SEMA5A: variants seen among roughly 807,000 people sequenced by gnomAD.
SEMA5A encodes the protein semaphorin-5A.
Under a neutral mutation model 135.5 loss-of-function variants are expected in SEMA5A, and 55 were observed. The ratio of observed to expected loss-of-function variants is 0.41; its 90% CI spans 0.33 to 0.51. The LOEUF is 0.51. Among genes scored for constraint, SEMA5A ranks in the 20% least tolerant of loss-of-function variants. The pLI, the probability that SEMA5A is intolerant of heterozygous loss-of-function variation, is 0.37. For missense variants in SEMA5A, 1,290 were observed against 1,419.9 expected, an observed-to-expected ratio of 0.91 and a Z score of 1.47; for synonymous variants, 580 against 546.5, an observed-to-expected ratio of 1.06 and a Z score of -0.85.
rs202094419 is a variant in SEMA5A at position 9,054,151 on chromosome 5, A to G, written c.2625T>C (p.Tyr875=). The G allele has an allele frequency of 2.2e-5, 35 of 1,614,024 alleles. No homozygotes were observed. Among genetic ancestry groups the G allele is most frequent in the Non-Finnish European group, 2.8e-5 (33 of 1,179,986 alleles). ...GCAGCCCCAGGCAGATGTCCCCTCC[A>G]TAGGCCGGGGCTGGATTGGAGCAAG... The part of the protein sequence containing the change: ...TRSCSNPAPA[Y]GGDICLGLHT... Residue 875 remains tyrosine (Y), a synonymous_variant, in exon 19 of 23, where the codon TAT becomes TAC. Transcript: ENST00000382496.
chr5:9,317,210 C>T lies in SEMA5A; in HGVS notation c.270+1162G>A, dbSNP rs185559077. Reference sequence around the variant, plus strand: ...TTGCAGTGGAAAGACAATTTATTGTCAATTGTGATAAAACTATTATAATGG... The same window carrying T: ...TTGCAGTGGAAAGACAATTTATTGTTAATTGTGATAAAACTATTATAATGG... On this transcript the variant is annotated intron_variant, in intron 5 of 22. Transcript: ENST00000382496. Among the ~76,000 whole-genome samples, 539 of 152,234 alleles carry T rather than the reference C, an allele frequency of 3.5e-3. 3 individuals carry two copies. Among genetic ancestry groups the T allele is most frequent in the South Asian group, 0.018 (88 of 4,822 alleles).
intron 5 of SEMA5A, among the ~76,000 whole-genome samples, chr5:9,255,346 C>A (rs1030069674): frequency 6.6e-6 from 1 of 152,152 alleles, no homozygotes; most frequent in Non-Finnish European, 1.5e-5. Context: ...AGGGTCCACA[C>A]CAAGGTGCTG....
intron 21 of SEMA5A, among the ~76,000 whole-genome samples, chr5:9,045,413 T>C (rs1736195716): frequency 1.3e-5 from 2 of 152,226 alleles, no homozygotes; most frequent in Non-Finnish European, 2.9e-5. Flanking sequence ...TGTTTTCTAT[T>C]CACATAAACA....
At chr5:9,078,163 A>C (rs1505061) in intron 16 of SEMA5A, among the ~76,000 whole-genome samples, 3 of 152,216 alleles carry the variant, frequency 2.0e-5, no homozygotes, top group Non-Finnish European at 4.4e-5. Flanking sequence ...TCTTTTTCCT[A>C]GCAAATATCT....
chr5:9,461,128 A>C lies in SEMA5A; in HGVS notation c.-174-23276T>G, dbSNP rs538768479. Among the ~76,000 whole-genome samples the C allele has an allele frequency of 1.8e-4, 27 of 152,300 alleles. 1 individual carries two copies. The South Asian group carries it at 5.6e-3, about 32-fold the overall frequency. ...GGTCGTTGGCTTTTCTCAAACATAC[A>C]CTTAGCATAGAGATTTCCTAGCATG... On this transcript the variant is annotated intron_variant, in intron 1 of 22. Transcript: ENST00000382496.
At chr5:9,130,366 C>T (rs1741340971) in intron 13 of SEMA5A, among the ~76,000 whole-genome samples, 1 of 152,024 alleles carries the variant, frequency 6.6e-6, no homozygotes, top group South Asian at 2.1e-4. Flanking sequence ...TGTAACAAAA[C>T]AGAATGTTAG....
intron 1 of SEMA5A, among the ~76,000 whole-genome samples, chr5:9,503,822 T>C (rs1735715571): frequency 6.6e-6 from 1 of 152,218 alleles, no homozygotes; most frequent in Admixed American, 6.5e-5. Flanking sequence ...CCCAAAGATT[T>C]GGCATCATTT....
chr5:9,195,406 A>G (rs1231816858), intron 10 of SEMA5A, among the ~76,000 whole-genome samples: 2 of 152,182 alleles, frequency 1.3e-5, no homozygotes, highest in Non-Finnish European at 2.9e-5. Flanking sequence ...TCCTGGCCTC[A>G]GGAGATCCTC....
At chr5:9,118,313 G>A (rs956658152) in intron 15 of SEMA5A, among the ~76,000 whole-genome samples, 3 of 152,170 alleles carry the variant, frequency 2.0e-5, no homozygotes, top group African/African-American at 4.8e-5. Flanking sequence ...TATATTTAAT[G>A]CATATTAAGA....
At chr5:9,224,610 A>G in intron 8 of SEMA5A, 64 bp downstream of exon 8, 1 of 1,478,608 alleles carries the variant, frequency 6.8e-7, no homozygotes, top group Admixed American at 1.7e-5. Flanking sequence ...TTTGCTTTTG[A>G]GCACCAAATC....
In SEMA5A at chr5:9,306,839, T is replaced by C. The variant is rs374084508; in HGVS notation, c.270+11533A>G. ...TTTAAATCAATGAAAGAACAGTACA[T>C]AGGTTCCCTTCATCTTGAATCAGAA... On this transcript the variant is annotated intron_variant, in intron 5 of 22. Transcript: ENST00000382496. Among the ~76,000 whole-genome samples, 3 of 152,344 alleles carry C rather than the reference T, an allele frequency of 2.0e-5. 1 individual carries two copies. The East Asian group carries it at 5.8e-4, about 29-fold the overall frequency.
chr5:9,400,880 AATTT>A (rs1756631761), intron 2 of SEMA5A, among the ~76,000 whole-genome samples: 2 of 152,238 alleles, frequency 1.3e-5, no homozygotes, highest in African/African-American at 4.8e-5. Context: ...ATACAATTAT[AATTT>A]ATTATAATTT....
At chr5:9,238,963 A>T (rs1018904635) in intron 5 of SEMA5A, among the ~76,000 whole-genome samples, 2 of 152,150 alleles carry the variant, frequency 1.3e-5, no homozygotes, top group African/African-American at 4.8e-5. Context: ...TATGAAGGAA[A>T]ATAATGGCTT....
chr5:9,365,641 T>C (rs1001674316), intron 3 of SEMA5A, among the ~76,000 whole-genome samples: 1 of 152,202 alleles, frequency 6.6e-6, no homozygotes, highest in Non-Finnish European at 1.5e-5. Context: ...ATGGTGGTTT[T>C]TTTCCATTCT....
intron 19 of SEMA5A, chr5:9,053,864 G>A: frequency 4.4e-6 from 2 of 451,356 alleles, no homozygotes; most frequent in East Asian, 3.6e-5. Context: ...CCATTGCTGG[G>A]CTAAAGGCTT....
intron 1 of SEMA5A, among the ~76,000 whole-genome samples, chr5:9,492,191 A>G (rs1735048964): frequency 6.6e-6 from 1 of 152,222 alleles, no homozygotes; most frequent in Non-Finnish European, 1.5e-5. Flanking sequence ...TCAAAAGTAA[A>G]TGTTATGAGT....
chr5:9,474,244 C>T (rs78807262), intron 1 of SEMA5A, among the ~76,000 whole-genome samples: 238 of 152,194 alleles, frequency 1.6e-3, no homozygotes, highest in African/African-American at 5.3e-3. Flanking sequence ...CCAAAGAAGG[C>T]CACTCCCGTA....
rs1386214008 is a variant in SEMA5A at position 9,241,138 on chromosome 5, GT to G, written c.271-3249del. On this transcript the variant is annotated intron_variant, in intron 5 of 22. Coordinates refer to ENST00000382496, the MANE Select transcript of SEMA5A (RefSeq NM_003966.3). Reference sequence around the variant, plus strand: ...ATTCAAAGATTAGATACAGTAGGCAGTGAGTTTGAAACACCTACATTTTAAA... The same window carrying G: ...ATTCAAAGATTAGATACAGTAGGCAGGAGTTTGAAACACCTACATTTTAAA... Among the ~76,000 whole-genome samples, 3 of 152,088 alleles carry G rather than the reference GT, an allele frequency of 2.0e-5. No individual in the cohort carries two copies. The East Asian group carries it at 5.8e-4, about 29-fold the overall frequency.
At chr5:9,074,677 G>T (rs1162247326) in intron 16 of SEMA5A, among the ~76,000 whole-genome samples, 2 of 152,120 alleles carry the variant, frequency 1.3e-5, no homozygotes, top group Non-Finnish European at 2.9e-5. Context: ...ACTGCTGAAA[G>T]ATATGTATAG....
Sources: allele counts gnomAD v4.1 joint callset (sites outside exome capture counted in the v4.1 genomes callset), GRCh38; gene constraint gnomAD v4.1.1; transcripts MANE v1.5; gene names NCBI Gene and HGNC (gene_info 2026-07-23, HGNC 2026-07-21).